The following ATRNL1 variants were observed in gnomAD, a reference collection of about 807,000 sequenced individuals.
ATRNL1 encodes attractin-like protein 1.
A neutral mutation model predicts 182.7 loss-of-function variants in ATRNL1; 95 were observed. That is an observed-to-expected ratio of 0.52 (90% confidence interval 0.44 to 0.62). The LOEUF (loss-of-function observed/expected upper bound fraction) is 0.62. Among genes scored for constraint, ATRNL1 ranks in the 20% least tolerant of loss-of-function variants. The pLI is 0.00. For synonymous variants in ATRNL1, 576 were observed against 568.3 expected, an observed-to-expected ratio of 1.01 and a Z score of -0.19; for missense variants, 1,471 against 1,679.5, an observed-to-expected ratio of 0.88 and a Z score of 2.17.
Position 115,093,861 on chromosome 10 carries a change from G to A in ATRNL1, c.111G>A (p.Leu37=). 4 of 1,569,910 alleles carry A rather than the reference G, an allele frequency of 2.5e-6. No homozygotes were observed. Among genetic ancestry groups the A allele is most frequent in the Non-Finnish European group, 3.4e-6 (4 of 1,161,544 alleles). ...GCGGGGGCGCCTCCTCCTGGCTGCT[G>A]GACGGGAACAGCTGGCTGCTGTGCT... ...GGGGGASSWL[L]DGNSWLLCYG... is the part of the protein sequence containing the mutation. Residue 37 remains leucine (L), a synonymous_variant, in exon 1 of 29, where the codon CTG becomes CTA. Coordinates refer to ENST00000355044, the MANE Select transcript of ATRNL1 (RefSeq NM_207303.4). This position sits in a 1 kb window ranked among gnomAD's most constrained non-coding sequence, Gnocchi z 6.1.
chr10:115,602,440 C>CA (rs1159705425), intron 26 of ATRNL1, among the ~76,000 whole-genome samples: 1 of 112,580 alleles, frequency 8.9e-6, no homozygotes, highest in Non-Finnish European at 1.9e-5. Flanking sequence ...TGTTTACACA[C>CA]ACAAAAAAAC....
At chr10:115,846,382 A>C (rs1392803858) in intron 27 of ATRNL1, among the ~76,000 whole-genome samples, 2 of 152,054 alleles carry the variant, frequency 1.3e-5, no homozygotes, top group African/African-American at 4.8e-5. Context: ...TTTATCTTTA[A>C]TGCCTCATTA....
chr10:115,707,632 T>G (rs10885780), intron 26 of ATRNL1, among the ~76,000 whole-genome samples: 56,679 of 151,420 alleles, frequency 0.37, 11,426 homozygotes, highest in East Asian at 0.58. Context: ...TTTATTCTGA[T>G]TTTTCATATA....
At chr10:115,546,426 C>T (rs182834698) in intron 25 of ATRNL1, among the ~76,000 whole-genome samples, 131 of 151,664 alleles carry the variant, frequency 8.6e-4, no homozygotes, top group Admixed American at 9.2e-4. Flanking sequence ...ATTAAGTGGG[C>T]GTGGTGGCGC....
chr10:115,662,587 A>G (rs1157762769), intron 26 of ATRNL1, among the ~76,000 whole-genome samples: 2 of 152,260 alleles, frequency 1.3e-5, no homozygotes, highest in East Asian at 1.9e-4. Flanking sequence ...TTTTTAAAAG[A>G]TATTTTATCT....
At chr10:115,157,392 A>G (rs1846572461) in intron 5 of ATRNL1, among the ~76,000 whole-genome samples, 1 of 152,146 alleles carries the variant, frequency 6.6e-6, no homozygotes, top group Admixed American at 6.6e-5. Flanking sequence ...TAGAATACAG[A>G]AAGCTTCAAA....
chr10:115,477,661 T>C (rs1848594254), intron 24 of ATRNL1, among the ~76,000 whole-genome samples: 1 of 151,590 alleles, frequency 6.6e-6, no homozygotes, highest in South Asian at 2.1e-4. Context: ...AATAATTCTT[T>C]GTTTGGTCAG....
intron 27 of ATRNL1, among the ~76,000 whole-genome samples, chr10:115,753,511 T>A (rs1948506147): frequency 6.6e-6 from 1 of 152,222 alleles, no homozygotes; most frequent in African/African-American, 2.4e-5. Context: ...GAACTCATCC[T>A]TTTTAATGGC....
At chr10:115,102,935 G>C (rs140047036) in intron 1 of ATRNL1, among the ~76,000 whole-genome samples, 1 of 151,048 alleles carries the variant, frequency 6.6e-6, no homozygotes, top group Admixed American at 6.6e-5. Flanking sequence ...GAATTATCTC[G>C]TTCTTCATTG....
intron 1 of ATRNL1, among the ~76,000 whole-genome samples, chr10:115,094,860 G>A (rs1199802601): frequency 1.3e-5 from 2 of 152,194 alleles, no homozygotes; most frequent in Non-Finnish European, 2.9e-5. Context: ...GAAATACAAA[G>A]GTGACTTTAG....
chr10:115,898,282 T>C (rs1239598915), intron 28 of ATRNL1, among the ~76,000 whole-genome samples: 2 of 152,238 alleles, frequency 1.3e-5, no homozygotes, highest in African/African-American at 2.4e-5. Context: ...GTCTATTCAC[T>C]TCCTTTTCCT....
rs1554862459 is a variant in ATRNL1 at position 115,093,996 on chromosome 10, C to T, written c.246C>T (p.Asp82=). The change falls in exon 1 of 29, where the codon GAC becomes GAT. Residue 82 remains aspartate, a synonymous_variant. Transcript: ENST00000355044. This position sits in a 1 kb window ranked among gnomAD's most constrained non-coding sequence, Gnocchi z 6.1. ...GRCVNSTCLC[D]PGWVGDQCQH... Reference sequence around the variant, plus strand: ...GTGTCAACTCCACCTGCCTCTGCGACCCGGGCTGGGTGGGGGACCAGTGCC... The same window carrying T: ...GTGTCAACTCCACCTGCCTCTGCGATCCGGGCTGGGTGGGGGACCAGTGCC... 1 of 1,582,098 alleles carries T rather than the reference C, an allele frequency of 6.3e-7. No homozygotes were observed. Among genetic ancestry groups the T allele is most frequent in the African/African-American group, 1.4e-5 (1 of 72,518 alleles).
intron 26 of ATRNL1, among the ~76,000 whole-genome samples, chr10:115,587,357 C>G (rs1396312095): frequency 3.9e-5 from 6 of 151,962 alleles, no homozygotes; most frequent in South Asian, 2.1e-4. Flanking sequence ...CCTCCCCCAG[C>G]CTCGCTGCCG....
intron 27 of ATRNL1, among the ~76,000 whole-genome samples, chr10:115,830,293 T>C (rs1950530930): frequency 6.6e-6 from 1 of 152,342 alleles, no homozygotes; most frequent in South Asian, 2.1e-4. Context: ...TCTTTATAAA[T>C]GGATCATTGG....
chr10:115,214,184 G>T (rs1201939889), intron 8 of ATRNL1, among the ~76,000 whole-genome samples: 3 of 151,826 alleles, frequency 2.0e-5, no homozygotes, highest in Non-Finnish European at 4.4e-5. Context: ...TGTACCTCTA[G>T]GTAGTGGGCT....
intron 26 of ATRNL1, among the ~76,000 whole-genome samples, chr10:115,581,770 T>A (rs1855102385): frequency 6.6e-6 from 1 of 151,704 alleles, no homozygotes; most frequent in Non-Finnish European, 1.5e-5. Context: ...ATACTTTAAG[T>A]TTTAGGGTAC....
chr10:115,785,763 A>G (rs1304645337), intron 27 of ATRNL1, among the ~76,000 whole-genome samples: 1 of 152,154 alleles, frequency 6.6e-6, no homozygotes, highest in Non-Finnish European at 1.5e-5. Flanking sequence ...TTTTTGCCTC[A>G]ATTTATCTCT....
At chr10:115,398,170 T>C (rs538926090) in intron 20 of ATRNL1, among the ~76,000 whole-genome samples, 3 of 152,014 alleles carry the variant, frequency 2.0e-5, no homozygotes, top group South Asian at 2.1e-4. Context: ...AAAATGAACA[T>C]TTTAAGAGAG....
At chr10:115,186,015 A>G (rs1420136931) in intron 8 of ATRNL1, among the ~76,000 whole-genome samples, 1 of 152,070 alleles carries the variant, frequency 6.6e-6, no homozygotes, top group Non-Finnish European at 1.5e-5. Context: ...ATAGGGTGAA[A>G]GCAAGCCATA....
Sources: allele counts gnomAD v4.1 joint callset (sites outside exome capture counted in the v4.1 genomes callset), GRCh38; gene constraint gnomAD v4.1.1; non-coding constraint Gnocchi (gnomAD v3.1); transcripts MANE v1.5; gene names NCBI Gene and HGNC (gene_info 2026-07-23, HGNC 2026-07-21).